Variants in ATE1 observed in about 807,000 individuals in gnomAD.
The protein encoded by ATE1 is arginyl-tRNA--protein transferase 1.
Under a neutral mutation model 70.5 loss-of-function variants are expected in ATE1, and 36 were observed. The ratio of observed to expected loss-of-function variants is 0.51; its 90% CI spans 0.39 to 0.67. ATE1 has a LOEUF of 0.67. Ranked by LOEUF, ATE1 falls within the 30% of genes least tolerant of loss-of-function variation. The pLI is 0.00. For missense variants in ATE1, 593 were observed against 629.5 expected (o/e 0.94, Z 0.62); for synonymous variants, 232 against 219.3 (o/e 1.06, Z -0.51).
intron 7 of ATE1, among the ~76,000 whole-genome samples, chr10:121,898,194 T>C (rs996734474): frequency 6.6e-6 from 1 of 152,168 alleles, no homozygotes. Flanking sequence ...TAAACCATAT[T>C]ATATCTAACA....
intron 5 of ATE1, among the ~76,000 whole-genome samples, chr10:121,909,241 G>A (rs982094587): frequency 6.6e-6 from 1 of 152,046 alleles, no homozygotes; most frequent in Non-Finnish European, 1.5e-5. Context: ...CACCTGCCTC[G>A]GTCTCCCACA....
chr10:121,772,800 G>C (rs551546808), intron 11 of ATE1, among the ~76,000 whole-genome samples: 4 of 152,176 alleles, frequency 2.6e-5, no homozygotes, highest in Non-Finnish European at 5.9e-5. Flanking sequence ...ACTACAAATT[G>C]CTTTGCCGCT....
chr10:121,884,891 T>C (rs760461646), intron 7 of ATE1, among the ~76,000 whole-genome samples: 6 of 152,212 alleles, frequency 3.9e-5, no homozygotes, highest in Non-Finnish European at 7.3e-5. Context: ...TTAAAGAAAC[T>C]GGCTTCCTTA....
At chr10:121,789,081 G>A (rs1458118774) in intron 11 of ATE1, among the ~76,000 whole-genome samples, 1 of 152,102 alleles carries the variant, frequency 6.6e-6, no homozygotes, top group African/African-American at 2.4e-5. Context: ...TTCTAATTTG[G>A]CTAGTGACCA....
In ATE1 at chr10:121,741,300, G is replaced by T. The variant is rs1944139352; in HGVS notation, c.*2380C>A. On this transcript the variant is annotated 3_prime_UTR_variant, in exon 12 of 12. Transcript: ENST00000224652. ...AATAGGTGTCCTTTTAAGACACTTTGACTACTTGGATCAATACACTAGCTA... is the reference window on the plus strand; with the variant it reads ...AATAGGTGTCCTTTTAAGACACTTTTACTACTTGGATCAATACACTAGCTA... 6.6e-6 allele frequency: 1 copy of T among 152,130 alleles called. No individual in the cohort carries two copies. Among genetic ancestry groups the T allele is most frequent in the South Asian group, 2.1e-4 (1 of 4,820 alleles). 9.4% of individuals were successfully genotyped at this position (152,130 alleles called of 1,614,324 possible).
intron 8 of ATE1, among the ~76,000 whole-genome samples, chr10:121,863,819 G>A (rs953612872): frequency 8.6e-5 from 13 of 151,964 alleles, no homozygotes; most frequent in Admixed American, 8.5e-4. Flanking sequence ...TCATTATGTT[G>A]CCCTGGCTGG....
chr10:121,855,309 T>C lies in ATE1; in HGVS notation c.976-14046A>G, dbSNP rs190330603. 3.5e-4 allele frequency among the ~76,000 whole-genome samples: 54 copies of C among 152,330 alleles called. 1 individual carries two copies. Among genetic ancestry groups the C allele is most frequent in the African/African-American group, 6.3e-4 (26 of 41,572 alleles). On this transcript the variant is annotated intron_variant, in intron 8 of 11. Coordinates refer to ENST00000224652, the MANE Select transcript of ATE1 (RefSeq NM_001001976.3). ...ACTGAAACATGGTGCACTGGCAAGA[T>C]TGCAACAGTAATAGGTAGATTTCAT...
chr10:121,829,428 G>T (rs1425837622), intron 10 of ATE1, among the ~76,000 whole-genome samples: 1 of 128,248 alleles, frequency 7.8e-6, no homozygotes, highest in African/African-American at 2.8e-5. Context: ...GTCACAAAAA[G>T]AAAACAAAAA....
Position 121,743,724 on chromosome 10 carries a change from C to G in ATE1, c.1513G>C (p.Val505Leu), listed in dbSNP as rs1253399696. ...ATCCGCTCGGAGCACTTCTGCCCCA[C>G]CAGGCTGGCGTACTGCAGAACAGCA... ...EAAVLQYASL[V>L]GQKCSERMLL... Residue 505 changes from valine (V) to leucine (L), a missense_variant, in exon 12 of 12, where the codon GTG becomes CTG. This residue lies in a region of ATE1 where 90 missense variants were observed against 93.7 expected (regional missense o/e 0.96). Coordinates refer to ENST00000224652, the MANE Select transcript of ATE1 (RefSeq NM_001001976.3). 6.2e-7 allele frequency: 1 copy of G among 1,613,924 alleles called. No individual in the cohort carries two copies. Among genetic ancestry groups the G allele is most frequent in the South Asian group, 1.1e-5 (1 of 91,052 alleles).
intron 7 of ATE1, among the ~76,000 whole-genome samples, chr10:121,873,847 A>G (rs1202630754): frequency 6.6e-6 from 1 of 152,118 alleles, no homozygotes; most frequent in Non-Finnish European, 1.5e-5. Context: ...AAAAGGAAAC[A>G]CTCAACACCA....
intron 1 of ATE1, among the ~76,000 whole-genome samples, chr10:121,926,045 A>T (rs1051278326): frequency 6.6e-6 from 1 of 152,064 alleles, no homozygotes; most frequent in Non-Finnish European, 1.5e-5. Context: ...CGTCTCTACT[A>T]AAAATACAAA....
intron 11 of ATE1, among the ~76,000 whole-genome samples, chr10:121,758,282 C>T (rs1944890587): frequency 1.3e-5 from 2 of 152,128 alleles, no homozygotes; most frequent in African/African-American, 2.4e-5. Context: ...TAAGCTATTA[C>T]CATGATGGTA....
chr10:121,755,336 G>A (rs1048992064), intron 11 of ATE1, among the ~76,000 whole-genome samples: 1 of 152,218 alleles, frequency 6.6e-6, no homozygotes, highest in Non-Finnish European at 1.5e-5. Context: ...CTGAAGGACA[G>A]TGGTGCAATA....
At chr10:121,790,795 T>C (rs1274102366) in intron 10 of ATE1, among the ~76,000 whole-genome samples, 2 of 152,200 alleles carry the variant, frequency 1.3e-5, no homozygotes, top group African/African-American at 4.8e-5. Flanking sequence ...AGTACTGTTT[T>C]ATCAATATAC....
chr10:121,807,619 T>C (rs1157604077), intron 10 of ATE1, among the ~76,000 whole-genome samples: 1 of 152,220 alleles, frequency 6.6e-6, no homozygotes, highest in Non-Finnish European at 1.5e-5. Flanking sequence ...TTTATTAATT[T>C]AGATATTCAA....
intron 6 of ATE1, among the ~76,000 whole-genome samples, chr10:121,901,887 G>A (rs991740959): frequency 6.6e-6 from 1 of 152,116 alleles, no homozygotes; most frequent in Admixed American, 6.6e-5. Flanking sequence ...AGTGGTTTTG[G>A]CACTAATGAG....
chr10:121,786,280 G>T (rs1187083779), intron 11 of ATE1, among the ~76,000 whole-genome samples: 1 of 116,590 alleles, frequency 8.6e-6, no homozygotes, highest in South Asian at 2.8e-4. Context: ...TATAATGTTT[G>T]CCCAACATTA....
At chr10:121,878,210 T>C (rs919311939) in intron 7 of ATE1, among the ~76,000 whole-genome samples, 2 of 152,096 alleles carry the variant, frequency 1.3e-5, no homozygotes, top group African/African-American at 4.8e-5. Context: ...GGTAGGAAAA[T>C]ACTGACTGGG....
chr10:121,763,833 G>C (rs1945160928), intron 11 of ATE1, among the ~76,000 whole-genome samples: 1 of 152,102 alleles, frequency 6.6e-6, no homozygotes, highest in Admixed American at 6.5e-5. Context: ...GGCCAACATG[G>C]AGAAACCTCC....
Sources: gnomAD v4.1 joint callset for allele counts (sites outside exome capture counted in the v4.1 genomes callset) on GRCh38, gnomAD v4.1.1 for gene constraint, gnomAD v4.1.1 regional missense constraint, MANE v1.5 for transcripts, NCBI Gene and HGNC (gene_info 2026-07-23, HGNC 2026-07-21) for gene names.